Variants in DCLK1 observed in about 807,000 individuals in gnomAD.
The protein encoded by DCLK1 is doublecortin like kinase 1.
DCLK1 carries 16 observed loss-of-function variants against 86.2 expected under a neutral mutation model. That is an observed-to-expected ratio of 0.19 (90% confidence interval 0.13 to 0.28). The LOEUF (loss-of-function observed/expected upper bound fraction) is 0.28, where lower values mean the gene tolerates loss of function less well. DCLK1 is among the 10% of genes least tolerant of loss of function. DCLK1 has a pLI of 1.00. For missense variants in DCLK1, 590 were observed against 940.2 expected (o/e 0.63, Z 4.87); for synonymous variants, 369 against 370.5 (o/e 1.00, Z 0.05).
intron 3 of DCLK1, among the ~76,000 whole-genome samples, chr13:35,997,822 A>C (rs1447777495): frequency 6.6e-6 from 1 of 152,212 alleles, no homozygotes; most frequent in African/African-American, 2.4e-5. Flanking sequence ...GTTTTGACTA[A>C]CCAGAATGCA....
At chr13:35,864,883 C>T (rs112127452) in intron 5 of DCLK1, among the ~76,000 whole-genome samples, 7,524 of 152,110 alleles carry the variant, frequency 0.049, 636 homozygotes, top group African/African-American at 0.17. Flanking sequence ...AACTCCTGAG[C>T]TCAACCAGTC....
At chr13:35,849,815 A>G in intron 6 of DCLK1, 1 of 985,292 alleles carries the variant, frequency 1.0e-6, no homozygotes, top group Admixed American at 6.1e-5. Context: ...TTTGCTTTTC[A>G]AATGGATTTC....
intron 3 of DCLK1, among the ~76,000 whole-genome samples, chr13:35,996,118 G>A (rs963420470): frequency 3.3e-5 from 5 of 151,954 alleles, no homozygotes; most frequent in Non-Finnish European, 7.4e-5. Context: ...TAGTAGAGAC[G>A]GGGCTTCACC....
chr13:35,931,862 T>C (rs1876451652), intron 4 of DCLK1, among the ~76,000 whole-genome samples: 1 of 152,218 alleles, frequency 6.6e-6, no homozygotes, highest in African/African-American at 2.4e-5. Context: ...GGGATATATG[T>C]TTTAATGATA....
chr13:35,906,116 C>T (rs1358306316), intron 4 of DCLK1, among the ~76,000 whole-genome samples: 10 of 152,206 alleles, frequency 6.6e-5, no homozygotes, highest in Admixed American at 5.9e-4. Flanking sequence ...TCCAGGACCA[C>T]TCTATCCTGT....
chr13:35,997,673 C>T (rs1184578326), intron 3 of DCLK1, among the ~76,000 whole-genome samples: 1 of 152,152 alleles, frequency 6.6e-6, no homozygotes, highest in East Asian at 1.9e-4. Flanking sequence ...AGTCATGAAA[C>T]TTGCAATGTA....
chr13:35,965,546 T>C (rs1878692142), intron 3 of DCLK1, among the ~76,000 whole-genome samples: 1 of 152,230 alleles, frequency 6.6e-6, no homozygotes, highest in Non-Finnish European at 1.5e-5. Context: ...AGTTTACCAG[T>C]TGCTGTGCAA....
rs2086289268 is a variant in DCLK1 at position 35,769,394 on chromosome 13, C to G, written c.*5141G>C. The G allele has an allele frequency of 1.3e-5, 2 of 152,166 alleles. No homozygotes were observed. Among genetic ancestry groups the G allele is most frequent in the South Asian group, 2.1e-4 (1 of 4,830 alleles). 9.4% of individuals were successfully genotyped at this position (152,166 alleles called of 1,614,324 possible). On this transcript the variant is annotated 3_prime_UTR_variant, in exon 17 of 17. Coordinates refer to ENST00000360631, the MANE Select transcript of DCLK1 (RefSeq NM_001330071.2). Reference sequence around the variant, plus strand: ...GAGCAAAATACTGTTGAATTTCACACTCAACTAATCCTTTAATAATTTTCT... The same window carrying G: ...GAGCAAAATACTGTTGAATTTCACAGTCAACTAATCCTTTAATAATTTTCT...
At chr13:35,874,934 G>A (rs1285083330) in intron 4 of DCLK1, among the ~76,000 whole-genome samples, 2 of 152,194 alleles carry the variant, frequency 1.3e-5, no homozygotes, top group Non-Finnish European at 2.9e-5. Flanking sequence ...AATGTCGCCG[G>A]CCCATTGGCA....
At chr13:36,004,884 C>A (rs7325764) in intron 3 of DCLK1, among the ~76,000 whole-genome samples, 13,975 of 152,210 alleles carry the variant, frequency 0.092, 1,250 homozygotes, top group African/African-American at 0.24. Context: ...GGCCTGTTCA[C>A]AAGTTTTAAA....
intron 4 of DCLK1, among the ~76,000 whole-genome samples, chr13:35,940,270 T>G (rs1593751890): frequency 7.0e-6 from 1 of 143,300 alleles, no homozygotes; most frequent in African/African-American, 2.7e-5. Flanking sequence ...CCAGCCTGGG[T>G]GACACAGCAA....
intron 3 of DCLK1, among the ~76,000 whole-genome samples, chr13:36,062,116 T>C (rs899436947): frequency 3.3e-5 from 5 of 152,198 alleles, no homozygotes; most frequent in Admixed American, 6.5e-5. Context: ...TAAATAAATG[T>C]GGGTGTTCCC....
At chr13:35,878,042 C>A (rs1194784314) in intron 4 of DCLK1, among the ~76,000 whole-genome samples, 2 of 152,212 alleles carry the variant, frequency 1.3e-5, no homozygotes, top group East Asian at 3.9e-4. Context: ...GGAATATTCT[C>A]TCCTCCTGTC....
intron 16 of DCLK1, 38 bp downstream of exon 16, chr13:35,793,327 CT>C (rs2153099573): frequency 6.4e-7 from 1 of 1,550,864 alleles, no homozygotes; most frequent in South Asian, 1.2e-5. Flanking sequence ...AGGTGGGTTG[CT>C]TTAAAAAAAG....
intron 14 of DCLK1, 48 bp downstream of exon 14, chr13:35,808,176 C>T (rs749538341): frequency 6.6e-6 from 10 of 1,513,870 alleles, no homozygotes; most frequent in Middle Eastern, 1.7e-4. Flanking sequence ...AAAATAATTC[C>T]GTTAAGACAC....
intron 3 of DCLK1, among the ~76,000 whole-genome samples, chr13:36,087,767 T>G (rs1044693760): frequency 1.3e-5 from 2 of 152,104 alleles, no homozygotes; most frequent in Non-Finnish European, 2.9e-5. Flanking sequence ...GTCAGTTGGA[T>G]TCCCAATACT....
intron 3 of DCLK1, among the ~76,000 whole-genome samples, chr13:35,997,988 C>T (rs1035679808): frequency 2.6e-5 from 4 of 152,128 alleles, no homozygotes; most frequent in African/African-American, 9.7e-5. Context: ...CTGATCCAGA[C>T]CATTGTTGGA....
chr13:35,905,264 C>T (rs1038583051), intron 4 of DCLK1, among the ~76,000 whole-genome samples: 1 of 152,220 alleles, frequency 6.6e-6, no homozygotes, highest in Non-Finnish European at 1.5e-5. Flanking sequence ...TTTCCACCCC[C>T]AGCTCCAGAG....
rs1254024546 is a variant in DCLK1, at chr13:35,770,319, A to G, written c.*4216T>C. 73 of 152,224 alleles carry G rather than the reference A, an allele frequency of 4.8e-4. No individual in the cohort carries two copies. The highest frequency in any genetic ancestry group is 4.8e-3 in the Admixed American group (73 of 15,276). The allele number at this position is 152,224 out of a possible 1,614,324, so 9.4% of individuals were successfully genotyped here. A position where few individuals can be genotyped will look rare whatever the true frequency, so the allele number is the denominator to read the frequency against. On this transcript the variant is annotated 3_prime_UTR_variant, in exon 17 of 17. Coordinates refer to ENST00000360631, the MANE Select transcript of DCLK1 (RefSeq NM_001330071.2). ...TTTGTTTGCCTTTAAGCAAGAAAAG[A>G]GTAAAGTGTATTATTTTCCCCTGCT...
Sources: allele counts gnomAD v4.1 joint callset (sites outside exome capture counted in the v4.1 genomes callset), GRCh38; gene constraint gnomAD v4.1.1; transcripts MANE v1.5; gene names NCBI Gene and HGNC (gene_info 2026-07-23, HGNC 2026-07-21).